The following NDST4 variants were observed in gnomAD, a reference collection of about 807,000 sequenced individuals.
The protein encoded by NDST4 is N-heparan sulfate sulfotransferase 4.
NDST4 carries 63 observed loss-of-function variants against 100.8 expected under a neutral mutation model. That is an observed-to-expected ratio of 0.62 (90% CI 0.51 to 0.77). The LOEUF (loss-of-function observed/expected upper bound fraction) is 0.77. Ranked by LOEUF, NDST4 falls within the 30% of genes least tolerant of loss-of-function variation. The pLI is 0.00. For synonymous variants in NDST4, 377 were observed against 361.8 expected, an observed-to-expected ratio of 1.04 and a Z score of -0.48; for missense variants, 943 against 1,018.4, an observed-to-expected ratio of 0.93 and a Z score of 1.01.
At position 114,948,280 on chromosome 4, in the gene NDST4, AC is replaced by A. The variant is rs374934740; in HGVS notation, c.1222-10778del. On this transcript the variant is annotated intron_variant, in intron 4 of 13. Coordinates refer to ENST00000264363, the MANE Select transcript of NDST4 (RefSeq NM_022569.3). Reference sequence around the variant, plus strand: ...CCTCTGAATGTCACTTCCCTCCCCCACCCCCCAAATACAACGTGTTATTACA... The same window carrying A: ...CCTCTGAATGTCACTTCCCTCCCCCACCCCCAAATACAACGTGTTATTACA... Among the ~76,000 whole-genome samples, 824 of 113,044 alleles carry A rather than the reference AC, an allele frequency of 7.3e-3. 11 individuals are homozygous for A. Among genetic ancestry groups the A allele is most frequent in the African/African-American group, 0.025 (756 of 30,692 alleles). 74.2% of individuals were successfully genotyped at this position (113,044 alleles called of 152,430 possible). A position where few individuals can be genotyped will look rare whatever the true frequency, so the allele number is the denominator to read the frequency against.
chr4:115,020,024 C>A (rs1727775792), intron 2 of NDST4, among the ~76,000 whole-genome samples: 1 of 152,062 alleles, frequency 6.6e-6, no homozygotes, highest in Non-Finnish European at 1.5e-5. Context: ...ATTGCCATAA[C>A]AGCCTGAAAA....
chr4:114,888,280 C>T lies in NDST4; in HGVS notation c.1537-17330G>A, dbSNP rs566565022. On this transcript the variant is annotated intron_variant, in intron 6 of 13. Transcript: ENST00000264363. ...GATACCTTGCCTTTGTGCATTTCTT[C>T]AAGAACTCATCTTAGAATGTAACTA... Among the ~76,000 whole-genome samples the T allele has an allele frequency of 4.6e-5, 7 of 151,846 alleles. No individual in the cohort carries two copies. The South Asian group carries it at 1.5e-3, about 32-fold the overall frequency.
intron 2 of NDST4, among the ~76,000 whole-genome samples, chr4:115,027,959 A>T (rs28635970): frequency 0.04 from 6,034 of 152,110 alleles, 407 homozygotes; most frequent in African/African-American, 0.14. Flanking sequence ...AGGTTGAGGC[A>T]GGAGAATCTC....
intron 6 of NDST4, among the ~76,000 whole-genome samples, chr4:114,886,711 T>C (rs1354103860): frequency 6.6e-6 from 1 of 152,134 alleles, no homozygotes; most frequent in East Asian, 1.9e-4. Context: ...AGATACTATA[T>C]GTTGCTTTAT....
intron 2 of NDST4, among the ~76,000 whole-genome samples, chr4:115,030,789 C>T (rs76010453): frequency 0.017 from 2,541 of 152,034 alleles, 85 homozygotes; most frequent in African/African-American, 0.058. Context: ...AGGAAGAACA[C>T]GTTACTGGGG....
At chr4:114,961,950 G>A (rs1726273005) in intron 4 of NDST4, among the ~76,000 whole-genome samples, 1 of 151,922 alleles carries the variant, frequency 6.6e-6, no homozygotes, top group Non-Finnish European at 1.5e-5. Context: ...AAAGGCACTA[G>A]CAATCAAACT....
At chr4:114,877,661 G>A (rs1214351676) in intron 6 of NDST4, among the ~76,000 whole-genome samples, 1 of 152,138 alleles carries the variant, frequency 6.6e-6, no homozygotes, top group Non-Finnish European at 1.5e-5. Flanking sequence ...CTTAGAAGGA[G>A]AAATAGGCCG....
intron 2 of NDST4, among the ~76,000 whole-genome samples, chr4:114,981,170 T>G (rs968610623): frequency 1.3e-5 from 2 of 150,482 alleles, no homozygotes; most frequent in African/African-American, 4.9e-5. Context: ...CAATGAGCCA[T>G]GTTCATGCCA....
chr4:114,839,359 A>T lies in NDST4; in HGVS notation c.2286+19T>A. ...CATTATAATAAAATAAACAGAAGAAAGTAATTTCAGGACATTACCTGAGAA... is the reference window on the plus strand; with the variant it reads ...CATTATAATAAAATAAACAGAAGAATGTAATTTCAGGACATTACCTGAGAA... On this transcript the variant is annotated intron_variant, in intron 11 of 13. Coordinates refer to ENST00000264363, the MANE Select transcript of NDST4 (RefSeq NM_022569.3). 1.3e-6 allele frequency: 2 copies of T among 1,585,120 alleles called. No homozygotes were observed. The highest frequency in any genetic ancestry group is 4.5e-5 in the East Asian group (2 of 44,536).
At chr4:114,871,414 T>G (rs1056350957) in intron 6 of NDST4, among the ~76,000 whole-genome samples, 4 of 152,162 alleles carry the variant, frequency 2.6e-5, no homozygotes, top group Non-Finnish European at 5.9e-5. Context: ...AGACTGTAAA[T>G]GTTTGCACAG....
At chr4:114,919,213 A>G (rs1725239523) in intron 6 of NDST4, among the ~76,000 whole-genome samples, 1 of 152,206 alleles carries the variant, frequency 6.6e-6, no homozygotes, top group Non-Finnish European at 1.5e-5. Context: ...TTCCCACAGC[A>G]ATAAAAATGT....
At chr4:114,983,750 CA>C (rs1203986363) in intron 2 of NDST4, among the ~76,000 whole-genome samples, 1 of 152,066 alleles carries the variant, frequency 6.6e-6, no homozygotes, top group African/African-American at 2.4e-5. Flanking sequence ...TGGGAGGGGC[CA>C]GGGGCAGAAT....
At chr4:115,093,741 T>C (rs926444135) in intron 1 of NDST4, among the ~76,000 whole-genome samples, 1 of 151,932 alleles carries the variant, frequency 6.6e-6, no homozygotes, top group East Asian at 1.9e-4. Flanking sequence ...GTATTTAAAA[T>C]TTAAGAAACA....
chr4:114,888,298 T>G (rs1034168453), intron 6 of NDST4, among the ~76,000 whole-genome samples: 3 of 152,038 alleles, frequency 2.0e-5, no homozygotes, highest in African/African-American at 7.2e-5. Flanking sequence ...CATCTTAGAA[T>G]GTAACTAAAC....
At chr4:114,842,115 G>C (rs561868413) in intron 10 of NDST4, among the ~76,000 whole-genome samples, 2 of 152,236 alleles carry the variant, frequency 1.3e-5, no homozygotes, top group South Asian at 4.1e-4. Flanking sequence ...TATATACACT[G>C]TTACCATCAT....
At chr4:115,053,738 G>A (rs1027150678) in intron 2 of NDST4, among the ~76,000 whole-genome samples, 14 of 152,108 alleles carry the variant, frequency 9.2e-5, no homozygotes, top group African/African-American at 3.4e-4. Flanking sequence ...TCAACTCAGA[G>A]AGAGAAGGAC....
intron 1 of NDST4, among the ~76,000 whole-genome samples, chr4:115,108,464 T>G (rs1178849990): frequency 2.6e-5 from 4 of 151,960 alleles, no homozygotes; most frequent in Non-Finnish European, 5.9e-5. Flanking sequence ...AGCATGGCAG[T>G]TGGCCTTTGG....
At chr4:115,100,618 T>C (rs1055079859) in intron 1 of NDST4, among the ~76,000 whole-genome samples, 10 of 152,106 alleles carry the variant, frequency 6.6e-5, no homozygotes, top group Admixed American at 1.3e-4. Context: ...CACAATACTT[T>C]ATTTAAAAGG....
intron 3 of NDST4, among the ~76,000 whole-genome samples, chr4:114,974,824 C>T (rs1459229723): frequency 6.6e-6 from 1 of 152,040 alleles, no homozygotes; most frequent in Non-Finnish European, 1.5e-5. Context: ...GAGAAATACA[C>T]ATAAGTGAAG....
Sources: allele counts gnomAD v4.1 joint callset (sites outside exome capture counted in the v4.1 genomes callset), GRCh38; gene constraint gnomAD v4.1.1; transcripts MANE v1.5; gene names NCBI Gene and HGNC (gene_info 2026-07-23, HGNC 2026-07-21).